The following KCNH8 variants were observed in gnomAD, a reference collection of about 807,000 sequenced individuals.
The protein encoded by KCNH8 is potassium voltage-gated channel subfamily H member 8.
KCNH8 carries 70 observed loss-of-function variants against 103.6 expected under a neutral mutation model. The ratio of observed to expected loss-of-function variants is 0.68; its 90% confidence interval spans 0.56 to 0.82. The LOEUF is 0.82. Among genes scored for constraint, KCNH8 ranks in the 40% least tolerant of loss-of-function variants. The pLI is 0.00. For synonymous variants in KCNH8, 498 were observed against 489.4 expected (o/e 1.02, Z -0.23); for missense variants, 1,217 against 1,329.9 (o/e 0.92, Z 1.32).
chr3:19,182,410 A>C (rs1476051566), intron 1 of KCNH8, among the ~76,000 whole-genome samples: 1 of 152,198 alleles, frequency 6.6e-6, no homozygotes, highest in East Asian at 1.9e-4. Flanking sequence ...AGGTGCCTGT[A>C]GTCCCAGCTA....
intron 3 of KCNH8, among the ~76,000 whole-genome samples, chr3:19,287,859 C>G (rs142572833): frequency 6.6e-6 from 1 of 152,302 alleles, no homozygotes; most frequent in African/African-American, 2.4e-5. Context: ...GTTAGGATTA[C>G]AGGCGTAAGC....
chr3:19,183,614 C>G (rs1174967043), intron 1 of KCNH8, among the ~76,000 whole-genome samples: 1 of 152,012 alleles, frequency 6.6e-6, no homozygotes, highest in Non-Finnish European at 1.5e-5. Flanking sequence ...TTTACAAATG[C>G]CATTAAATTA....
At chr3:19,330,124 G>A (rs1010009137) in intron 3 of KCNH8, among the ~76,000 whole-genome samples, 3 of 151,868 alleles carry the variant, frequency 2.0e-5, no homozygotes, top group East Asian at 1.9e-4. Flanking sequence ...ACACCACCAC[G>A]CATAATGTGT....
chr3:19,299,219 C>T (rs546171529), intron 3 of KCNH8, among the ~76,000 whole-genome samples: 2 of 152,118 alleles, frequency 1.3e-5, no homozygotes, highest in South Asian at 2.1e-4. Flanking sequence ...AGTTTCTAGT[C>T]GCAATCTCAC....
intron 11 of KCNH8, among the ~76,000 whole-genome samples, chr3:19,483,732 AG>A (rs1275045406): frequency 1.3e-5 from 2 of 152,174 alleles, no homozygotes; most frequent in Non-Finnish European, 2.9e-5. Context: ...CCTGAAACTA[AG>A]ATATTTACTC....
At chr3:19,393,300 C>A (rs543899886) in intron 6 of KCNH8, among the ~76,000 whole-genome samples, 2 of 151,950 alleles carry the variant, frequency 1.3e-5, no homozygotes, top group Non-Finnish European at 2.9e-5. Flanking sequence ...CTACTGACTC[C>A]GATGGGAGCA....
At chr3:19,506,282 G>C (rs766252711) in intron 11 of KCNH8, among the ~76,000 whole-genome samples, 7 of 152,118 alleles carry the variant, frequency 4.6e-5, no homozygotes, top group Non-Finnish European at 1.0e-4. Context: ...CATCTGTGTG[G>C]GCTGGTGTTC....
rs367691128 is a variant in KCNH8 at position 19,301,537 on chromosome 3, T to C, written c.442+20208T>C. 3.9e-5 allele frequency among the ~76,000 whole-genome samples: 6 copies of C among 152,294 alleles called. No homozygotes were observed. The South Asian group carries it at 8.3e-4, about 21-fold the overall frequency. On this transcript the variant is annotated intron_variant, in intron 3 of 15. Coordinates refer to ENST00000328405, the MANE Select transcript of KCNH8 (RefSeq NM_144633.3). ...TTTTTTCTTTCCAAAAAAGAAAATA[T>C]TGTGTCTCTACTCATAGAACACTTC...
At chr3:19,234,202 C>G (rs1052862008) in intron 1 of KCNH8, among the ~76,000 whole-genome samples, 8 of 152,234 alleles carry the variant, frequency 5.3e-5, no homozygotes, top group Admixed American at 2.0e-4. Flanking sequence ...CTACCAGACT[C>G]AGGAGCCCAG....
rs2063739688 is a variant in KCNH8, at chr3:19,208,650, T to A, written c.77-45004T>A. Among the ~76,000 whole-genome samples the A allele has an allele frequency of 1.3e-5, 2 of 151,860 alleles. 1 individual carries two copies. The highest frequency in any genetic ancestry group is 2.9e-5 in the Non-Finnish European group (2 of 67,908). On this transcript the variant is annotated intron_variant, in intron 1 of 15. Coordinates refer to ENST00000328405, the MANE Select transcript of KCNH8 (RefSeq NM_144633.3). ...TGGTGAGAAGGAACCCCATATAAAT[T>A]AATAAGAGGACAATAAAATGCTGAG... is the stretch of plus-strand genomic sequence containing the variant.
chr3:19,391,689 A>G (rs2066440069), intron 6 of KCNH8: 2 of 151,936 alleles, frequency 1.3e-5, no homozygotes. Flanking sequence ...TTTCTTTTTA[A>G]GTTGGGAGGT....
intron 2 of KCNH8, among the ~76,000 whole-genome samples, chr3:19,272,945 G>A (rs1038882116): frequency 6.6e-6 from 1 of 152,128 alleles, no homozygotes; most frequent in Non-Finnish European, 1.5e-5. Context: ...GTTCACTGAT[G>A]TATCCAAACA....
intron 3 of KCNH8, among the ~76,000 whole-genome samples, chr3:19,338,467 T>G (rs2065615199): frequency 6.6e-6 from 1 of 152,098 alleles, no homozygotes; most frequent in African/African-American, 2.4e-5. Context: ...TTGATATCAC[T>G]TTATTATTGT....
chr3:19,277,302 C>A (rs2064688034), intron 2 of KCNH8, among the ~76,000 whole-genome samples: 1 of 152,090 alleles, frequency 6.6e-6, no homozygotes, highest in East Asian at 1.9e-4. Context: ...GTGGCTTATG[C>A]CTGTAATTCA....
chr3:19,444,052 A>T (rs1333801044), intron 8 of KCNH8, among the ~76,000 whole-genome samples: 1 of 152,028 alleles, frequency 6.6e-6, no homozygotes, highest in African/African-American at 2.4e-5. Context: ...GTTGTTTCTA[A>T]AAATCAGTGG....
chr3:19,504,184 AG>A (rs1472202779), intron 11 of KCNH8, among the ~76,000 whole-genome samples: 1 of 152,174 alleles, frequency 6.6e-6, no homozygotes, highest in African/African-American at 2.4e-5. Context: ...CATATATAAA[AG>A]TCAACTCAAG....
intron 15 of KCNH8, among the ~76,000 whole-genome samples, chr3:19,524,734 G>A (rs1323390713): frequency 1.3e-5 from 2 of 151,878 alleles, no homozygotes; most frequent in Non-Finnish European, 2.9e-5. Context: ...TGAATAGAAG[G>A]ACTAAATGGA....
chr3:19,489,253 A>T (rs2068271292), intron 11 of KCNH8, among the ~76,000 whole-genome samples: 1 of 151,790 alleles, frequency 6.6e-6, no homozygotes, highest in Non-Finnish European at 1.5e-5. Context: ...TATTCCTGGT[A>T]CCAATTCCTG....
At chr3:19,505,022 T>C (rs2068664327) in intron 11 of KCNH8, among the ~76,000 whole-genome samples, 2 of 150,976 alleles carry the variant, frequency 1.3e-5, no homozygotes, top group Non-Finnish European at 2.9e-5. Context: ...ATAATATATA[T>C]GTATGTGTAT....
Sources: gnomAD v4.1 joint callset for allele counts (sites outside exome capture counted in the v4.1 genomes callset) on GRCh38, gnomAD v4.1.1 for gene constraint, MANE v1.5 for transcripts, NCBI Gene and HGNC (gene_info 2026-07-23, HGNC 2026-07-21) for gene names.